Variants in MYO9A observed in about 807,000 individuals in gnomAD.
MYO9A encodes myosin IXA.
Under a neutral mutation model 293.3 loss-of-function variants are expected in MYO9A, and 103 were observed. That is an observed-to-expected ratio of 0.35 (90% CI 0.30 to 0.41). MYO9A has a LOEUF of 0.41. Among genes scored for constraint, MYO9A ranks in the 10% least tolerant of loss-of-function variants. The pLI is 1.00. For missense variants in MYO9A, 2,685 were observed against 3,033.0 expected, an observed-to-expected ratio of 0.89 and a Z score of 2.69; for synonymous variants, 1,001 against 1,035.7, an observed-to-expected ratio of 0.97 and a Z score of 0.64.
rs188246944 is a variant in MYO9A, at chr15:71,989,533, C to T, written c.1722+1570G>A. ...TTTTGTATCAGCCATGGGTTGAATG[C>T]TTGGATGTAAAACCCAAAGATAAGG... On this transcript the variant is annotated intron_variant, in intron 11 of 41. Coordinates refer to ENST00000356056, the MANE Select transcript of MYO9A (RefSeq NM_006901.4). Among the ~76,000 whole-genome samples the T allele has an allele frequency of 1.4e-4, 21 of 152,258 alleles. 1 individual carries two copies. In the East Asian group the frequency reaches 3.7e-3, roughly 27 times the overall value.
At chr15:72,039,287 A>G (rs2078155165) in intron 2 of MYO9A, among the ~76,000 whole-genome samples, 1 of 152,188 alleles carries the variant, frequency 6.6e-6, no homozygotes, top group African/African-American at 2.4e-5. Flanking sequence ...TTCAAGTAAT[A>G]CTGTTAATCT....
At chr15:71,951,471 T>C (rs1184651476) in intron 15 of MYO9A, among the ~76,000 whole-genome samples, 2 of 151,914 alleles carry the variant, frequency 1.3e-5, no homozygotes, top group Non-Finnish European at 2.9e-5. Context: ...AAAGAAAACA[T>C]TGTTGATTCC....
In MYO9A at chr15:71,822,712, G is replaced by GCAA. The variant is rs748232845; in HGVS notation, c.*3865_*3867dup. ...AATACAAATACTTGGTTCAAAAGGT[G>GCAA]CAACTTTTATATGACCTCAGAGGGC... is the stretch of plus-strand genomic sequence containing the variant. On this transcript the variant is annotated 3_prime_UTR_variant, in exon 42 of 42. Transcript: ENST00000356056. The GCAA allele has an allele frequency of 6.6e-5, 10 of 152,154 alleles. No individual in the cohort carries two copies. The highest frequency in any genetic ancestry group is 1.0e-4 in the Non-Finnish European group (7 of 68,034). The allele number at this position is 152,154 out of a possible 1,614,324, so 9.4% of individuals were successfully genotyped here. A position where few individuals can be genotyped will look rare whatever the true frequency, so the allele number is the denominator to read the frequency against.
Position 71,902,927 on chromosome 15 carries a change from C to A in MYO9A, c.3000+14G>T. On this transcript the variant is annotated intron_variant, in intron 22 of 41. Coordinates refer to ENST00000356056, the MANE Select transcript of MYO9A (RefSeq NM_006901.4). ...GCACTCAATTTTGACCAGAGCTATA[C>A]AGATTATATTTACCATGGTTTTTCC... 2 of 1,553,644 alleles carry A rather than the reference C, an allele frequency of 1.3e-6. No homozygotes were observed. The highest frequency in any genetic ancestry group is 1.8e-6 in the Non-Finnish European group (2 of 1,138,488).
chr15:71,842,292 G>A (rs1444602862), intron 39 of MYO9A, among the ~76,000 whole-genome samples: 2 of 151,872 alleles, frequency 1.3e-5, no homozygotes, highest in Non-Finnish European at 2.9e-5. Flanking sequence ...CATGAGAATC[G>A]CTTGAACCCA....
At chr15:72,113,178 A>G (rs1178036832) in intron 1 of MYO9A, among the ~76,000 whole-genome samples, 2 of 152,236 alleles carry the variant, frequency 1.3e-5, no homozygotes, top group African/African-American at 4.8e-5. Flanking sequence ...ACAGACAAGT[A>G]ATTAAGCTAT....
chr15:72,048,048 C>T (rs1464916508), intron 1 of MYO9A, among the ~76,000 whole-genome samples: 3 of 151,450 alleles, frequency 2.0e-5, no homozygotes, highest in Non-Finnish European at 4.4e-5. Flanking sequence ...ACTATTTTTT[C>T]CTGTTTGCCT....
intron 12 of MYO9A, among the ~76,000 whole-genome samples, chr15:71,971,448 G>A (rs1430858455): frequency 6.6e-6 from 1 of 151,660 alleles, no homozygotes; most frequent in South Asian, 2.1e-4. Context: ...TTAGCCAGAC[G>A]TGGTGGTATG....
intron 13 of MYO9A, among the ~76,000 whole-genome samples, chr15:71,964,012 T>C (rs569082181): frequency 2.0e-5 from 3 of 152,328 alleles, no homozygotes; most frequent in African/African-American, 7.2e-5. Context: ...TTAGTTTTGG[T>C]AAAGTGTTTT....
chr15:71,878,080 T>C lies in MYO9A; in HGVS notation c.5891A>G (p.Tyr1964Cys). 1 of 1,608,898 alleles carries C rather than the reference T, an allele frequency of 6.2e-7. No homozygotes were observed. Among genetic ancestry groups the C allele is most frequent in the Non-Finnish European group, 8.5e-7 (1 of 1,178,580 alleles). Residue 1964 changes from tyrosine (Y) to cysteine (C), a missense_variant, in exon 31 of 42, where the codon TAT becomes TGT. By Grantham distance (194) the Tyr-to-Cys change is radical. This residue lies in a region of MYO9A where 1,434 missense variants were observed against 1,497.7 expected (regional missense o/e 0.96). Transcript: ENST00000356056. ...VNTFKVFLDE[Y>C]MNEFKTSDCT... The stretch of plus-strand genomic sequence containing the variant: ...ATCTGAAGTCTTGAATTCATTCATA[T>C]ATTCATCTAAAAACACTTTAAAAGT...
intron 17 of MYO9A, among the ~76,000 whole-genome samples, chr15:71,934,388 A>G (rs2058567234): frequency 6.6e-6 from 1 of 152,088 alleles, no homozygotes; most frequent in Non-Finnish European, 1.5e-5. Flanking sequence ...AATACTACCT[A>G]TAACTTAAAA....
At chr15:72,072,414 A>G (rs139463791) in intron 1 of MYO9A, among the ~76,000 whole-genome samples, 37 of 152,334 alleles carry the variant, frequency 2.4e-4, no homozygotes, top group Admixed American at 1.2e-3. Flanking sequence ...TACAGGCGTG[A>G]ACCACAGCGT....
At chr15:72,008,436 GGTGTGTGTGTGT>G (rs57267628) in intron 7 of MYO9A, among the ~76,000 whole-genome samples, 8 of 138,834 alleles carry the variant, frequency 5.8e-5, no homozygotes, top group South Asian at 2.4e-4. Flanking sequence ...GAGGTAAATG[GGTGTGTGTGTGT>G]GTGTGTGTGT....
At chr15:71,933,746 T>A (rs759080550) in intron 17 of MYO9A, 37 bp from the exon 18 acceptor site, 20 of 1,547,522 alleles carry the variant, frequency 1.3e-5, no homozygotes, top group Non-Finnish European at 1.7e-5. Context: ...AAAGCTACTG[T>A]ATAAAAACAA....
At chr15:72,066,378 C>G (rs1267667610) in intron 1 of MYO9A, among the ~76,000 whole-genome samples, 5 of 151,474 alleles carry the variant, frequency 3.3e-5, no homozygotes, top group South Asian at 2.1e-4. Context: ...CTCAGCTACT[C>G]AGGAGGCTGA....
At chr15:71,885,866 TC>T (rs1300875360) in intron 27 of MYO9A, among the ~76,000 whole-genome samples, 2 of 152,126 alleles carry the variant, frequency 1.3e-5, no homozygotes, top group African/African-American at 2.4e-5. Context: ...CTCTTCCATT[TC>T]TTCATTTTTT....
chr15:72,101,957 T>A (rs2080360149), intron 1 of MYO9A, among the ~76,000 whole-genome samples: 1 of 151,844 alleles, frequency 6.6e-6, no homozygotes, highest in African/African-American at 2.4e-5. Flanking sequence ...GAGGAGCCCC[T>A]CTGCCCGGCC....
intron 32 of MYO9A, 73 bp downstream of exon 32, chr15:71,875,718 A>C: frequency 1.4e-6 from 1 of 692,914 alleles, no homozygotes; most frequent in African/African-American, 1.9e-5. Flanking sequence ...ATCCACATAT[A>C]TATTGTATGA....
At chr15:72,006,077 A>C (rs1016376089) in intron 8 of MYO9A, among the ~76,000 whole-genome samples, 3 of 152,084 alleles carry the variant, frequency 2.0e-5, no homozygotes, top group African/African-American at 7.2e-5. Context: ...GACATGAATG[A>C]ATCTTTTTTT....
Sources: allele counts gnomAD v4.1 joint callset (sites outside exome capture counted in the v4.1 genomes callset), GRCh38; gene constraint gnomAD v4.1.1; regional missense constraint gnomAD v4.1.1; transcripts MANE v1.5; gene names NCBI Gene and HGNC (gene_info 2026-07-23, HGNC 2026-07-21).